The following TRPC4 variants were observed in gnomAD, a reference collection of about 807,000 sequenced individuals.
TRPC4 encodes the protein short transient receptor potential channel 4.
A neutral mutation model predicts 99.4 loss-of-function variants in TRPC4; 49 were observed. The observed-to-expected ratio is 0.49, with a 90% CI of 0.39 to 0.63. TRPC4 has a LOEUF of 0.63. Ranked by LOEUF, TRPC4 falls within the 20% of genes least tolerant of loss-of-function variation. The pLI, the probability that TRPC4 is intolerant of heterozygous loss-of-function variation, is 0.00. For synonymous variants in TRPC4, 454 were observed against 425.9 expected, an observed-to-expected ratio of 1.07 and a Z score of -0.81; for missense variants, 898 against 1,152.9, an observed-to-expected ratio of 0.78 and a Z score of 3.20.
At chr13:37,845,160 C>A (rs1416692789) in intron 1 of TRPC4, among the ~76,000 whole-genome samples, 1 of 152,090 alleles carries the variant, frequency 6.6e-6, no homozygotes, top group African/African-American at 2.4e-5. Flanking sequence ...TACAAGCTGT[C>A]TCATCTAGAA....
At chr13:37,813,805 G>A (rs1236059487) in intron 1 of TRPC4, among the ~76,000 whole-genome samples, 10 of 151,360 alleles carry the variant, frequency 6.6e-5, no homozygotes, top group African/African-American at 2.4e-4. Context: ...ACAAACTCTA[G>A]CAAAAAACAG....
At chr13:37,646,116 T>C (rs953766398) in intron 8 of TRPC4, among the ~76,000 whole-genome samples, 10 of 152,248 alleles carry the variant, frequency 6.6e-5, no homozygotes, top group African/African-American at 2.4e-4. Flanking sequence ...TGATAGCTGT[T>C]GCTAATCTAT....
At chr13:37,650,473 T>C (rs1197646832) in intron 8 of TRPC4, among the ~76,000 whole-genome samples, 1 of 152,134 alleles carries the variant, frequency 6.6e-6, no homozygotes, top group Admixed American at 6.5e-5. Context: ...CTGGAATTGC[T>C]TGAAACCCTG....
At chr13:37,699,877 G>A (rs991299558) in intron 3 of TRPC4, among the ~76,000 whole-genome samples, 1 of 152,144 alleles carries the variant, frequency 6.6e-6, no homozygotes, top group Admixed American at 6.5e-5. Flanking sequence ...TTTAAAATTG[G>A]TTTGGCAACT....
chr13:37,815,348 C>T (rs1009437935), intron 1 of TRPC4, among the ~76,000 whole-genome samples: 1 of 151,856 alleles, frequency 6.6e-6, no homozygotes, highest in Admixed American at 6.6e-5. Flanking sequence ...AAGAAAGACC[C>T]AGCTGTATGC....
chr13:37,663,577 C>T lies in TRPC4; in HGVS notation c.1527G>A (p.Leu509=). The T allele has an allele frequency of 6.2e-7, 1 of 1,614,142 alleles. No individual in the cohort carries two copies. The highest frequency in any genetic ancestry group is 8.5e-7 in the Non-Finnish European group (1 of 1,180,018). The part of the protein sequence containing the change: ...NSHLGPLQIS[L]GRMLLDILKF... ...TCAAAATGTCCAGGAGCATTCTTCC[C>T]AGAGATATTTGCAGAGGTCCCAGGT... Residue 509 remains leucine, a synonymous_variant, in exon 6 of 11, where the codon CTG becomes CTA. Coordinates refer to ENST00000379705, the MANE Select transcript of TRPC4 (RefSeq NM_016179.4).
At chr13:37,666,841 CCT>C (rs1952661095) in intron 5 of TRPC4, among the ~76,000 whole-genome samples, 1 of 152,092 alleles carries the variant, frequency 6.6e-6, no homozygotes, top group Admixed American at 6.5e-5. Flanking sequence ...TTTCAAGCTT[CCT>C]CTCTTCTCAT....
rs112702149 is a variant in TRPC4 at position 37,848,423 on chromosome 13, A to G, written c.-28+21172T>C. ...CCATCCATAGAACATTATGACAAAA[A>G]GAGATAGCAGGCAGTGAAGGAAAAC... On this transcript the variant is annotated intron_variant, in intron 1 of 10. Transcript: ENST00000379705. Among the ~76,000 whole-genome samples, 1,042 of 152,274 alleles carry G rather than the reference A, an allele frequency of 6.8e-3. 12 individuals are homozygous for G. Among genetic ancestry groups the G allele is most frequent in the African/African-American group, 0.024 (999 of 41,564 alleles).
intron 6 of TRPC4, among the ~76,000 whole-genome samples, chr13:37,658,037 C>A (rs1309525503): frequency 6.6e-6 from 1 of 152,158 alleles, no homozygotes; most frequent in East Asian, 1.9e-4. Context: ...TCTAAGTTAA[C>A]ATTTCAAAGC....
At chr13:37,640,458 G>T (rs1951684982) in intron 8 of TRPC4, among the ~76,000 whole-genome samples, 1 of 152,104 alleles carries the variant, frequency 6.6e-6, no homozygotes, top group Admixed American at 6.6e-5. Context: ...GATTAGTAGT[G>T]ACTTGTAGAA....
At chr13:37,655,309 A>C in intron 6 of TRPC4, 26 bp from the exon 7 acceptor site, 1 of 1,388,294 alleles carries the variant, frequency 7.2e-7, no homozygotes, top group Non-Finnish European at 9.6e-7. Context: ...AATGATACTA[A>C]TAGCTATATT....
At chr13:37,813,966 T>C (rs560085731) in intron 1 of TRPC4, among the ~76,000 whole-genome samples, 1 of 151,726 alleles carries the variant, frequency 6.6e-6, no homozygotes, top group Non-Finnish European at 1.5e-5. Context: ...TCCAGCAGTA[T>C]TAAAAAATGA....
chr13:37,849,016 T>C (rs2139669629), intron 1 of TRPC4, among the ~76,000 whole-genome samples: 1 of 152,268 alleles, frequency 6.6e-6, no homozygotes, highest in Non-Finnish European at 1.5e-5. Context: ...ATTATCTTTT[T>C]CTCCAGATGT....
At chr13:37,789,699 C>A (rs1957063186) in intron 1 of TRPC4, among the ~76,000 whole-genome samples, 1 of 138,652 alleles carries the variant, frequency 7.2e-6, no homozygotes, top group African/African-American at 2.7e-5. Flanking sequence ...TTTTTTTTTG[C>A]CTGTTTTTCT....
intron 1 of TRPC4, among the ~76,000 whole-genome samples, chr13:37,838,468 C>T (rs557545003): frequency 4.1e-4 from 62 of 152,122 alleles, no homozygotes; most frequent in Non-Finnish European, 7.9e-4. Flanking sequence ...GAGTTAAAGT[C>T]GACCACAGGA....
intron 1 of TRPC4, among the ~76,000 whole-genome samples, chr13:37,866,005 A>G (rs1959719878): frequency 6.6e-6 from 1 of 151,714 alleles, no homozygotes; most frequent in South Asian, 2.1e-4. Flanking sequence ...TTTTTTCACA[A>G]TAGGTCCTGT....
intron 2 of TRPC4, among the ~76,000 whole-genome samples, chr13:37,760,610 T>G (rs1183418119): frequency 6.6e-6 from 1 of 151,962 alleles, no homozygotes; most frequent in Non-Finnish European, 1.5e-5. Flanking sequence ...TACCCAAGCT[T>G]TAGTACAAGT....
At chr13:37,707,314 TG>T (rs1262524751) in intron 3 of TRPC4, among the ~76,000 whole-genome samples, 1 of 152,130 alleles carries the variant, frequency 6.6e-6, no homozygotes, top group Non-Finnish European at 1.5e-5. Context: ...TAAAGCAACT[TG>T]TATGTTTTGA....
At position 37,719,697 on chromosome 13, in the gene TRPC4, C is replaced by T. The variant is rs920301727; in HGVS notation, c.897+26240G>A. 2.6e-5 allele frequency among the ~76,000 whole-genome samples: 4 copies of T among 151,736 alleles called. No individual in the cohort carries two copies. In the East Asian group the frequency reaches 5.8e-4, roughly 22 times the overall value. ...TAAATGGGCCTTTTCTGTGGCAAAG[C>T]TTCTACATATTGCATGAGGTATACA... On this transcript the variant is annotated intron_variant, in intron 3 of 10. Coordinates refer to ENST00000379705, the MANE Select transcript of TRPC4 (RefSeq NM_016179.4).
Sources: allele counts gnomAD v4.1 joint callset (sites outside exome capture counted in the v4.1 genomes callset), GRCh38; gene constraint gnomAD v4.1.1; transcripts MANE v1.5; gene names NCBI Gene and HGNC (gene_info 2026-07-23, HGNC 2026-07-21).